MLYCD: variants seen among roughly 807,000 people sequenced by gnomAD.
MLYCD encodes the protein malonyl-CoA decarboxylase, mitochondrial.
MLYCD carries 27 observed loss-of-function variants against 35.8 expected under a neutral mutation model. The ratio of observed to expected loss-of-function variants is 0.75; its 90% CI spans 0.56 to 1.04. The LOEUF is 1.04. MLYCD is among the 50% of genes least tolerant of loss of function. The pLI is 0.00. For missense variants in MLYCD, 917 were observed against 665.1 expected (o/e 1.38, Z -4.17); for synonymous variants, 403 against 302.4 (o/e 1.33, Z -3.45).
chr16:83,922,561 G>C lies in MLYCD; in HGVS notation c.*7072G>C, dbSNP rs987478205. The C allele has an allele frequency of 6.6e-6, 1 of 152,516 alleles. No homozygotes were observed. The highest frequency in any genetic ancestry group is 1.9e-4 in the East Asian group (1 of 5,194). The allele number at this position is 152,516 out of a possible 1,614,324, so 9.4% of individuals were successfully genotyped here. ...TGGCCCCACCACTTCCAGCTGGGTG[G>C]CCCAGGGCAAGCCACCTACCCTTGC... On this transcript the variant is annotated 3_prime_UTR_variant, in exon 5 of 5. Transcript: ENST00000262430.
intron 3 of MLYCD, among the ~76,000 whole-genome samples, 173 bp downstream of exon 3, chr16:83,908,455 G>A (rs149995258): frequency 2.3e-3 from 346 of 148,834 alleles, no homozygotes; most frequent in African/African-American, 8.1e-3. Flanking sequence ...GGTGTAGAGC[G>A]TAGAAGTGTA....
In MLYCD at chr16:83,924,144, G is replaced by A. The variant is rs1157906219; in HGVS notation, c.*8655G>A. On this transcript the variant is annotated 3_prime_UTR_variant, in exon 5 of 5. Coordinates refer to ENST00000262430, the MANE Select transcript of MLYCD (RefSeq NM_012213.3). The stretch of plus-strand genomic sequence containing the variant: ...GGAAGACAGGAGGAACCCGGACCTG[G>A]CTCTCGTGCAGGAAGCAGGCAGTGC... 6.6e-6 allele frequency: 1 copy of A among 152,374 alleles called. No individual in the cohort carries two copies. Among genetic ancestry groups the A allele is most frequent in the East Asian group, 1.9e-4 (1 of 5,180 alleles). The allele number at this position is 152,374 out of a possible 1,614,324, so 9.4% of individuals were successfully genotyped here. A position where few individuals can be genotyped will look rare whatever the true frequency, so the allele number is the denominator to read the frequency against.
chr16:83,908,936 C>T (rs778495889), intron 3 of MLYCD, among the ~76,000 whole-genome samples: 3 of 152,194 alleles, frequency 2.0e-5, no homozygotes, highest in Non-Finnish European at 4.4e-5. Flanking sequence ...CAGGTTTGCT[C>T]AGACCAAGAG....
rs1907762806 is a variant in MLYCD, at chr16:83,925,007, G to A, written c.*9518G>A. On this transcript the variant is annotated 3_prime_UTR_variant, in exon 5 of 5. Transcript: ENST00000262430. ...TCTCACCCCCATCCGTGTCTCTGCT[G>A]TCTCCTAACTACCGATAGCAAGGGC... 6.6e-6 allele frequency: 1 copy of A among 152,308 alleles called. No individual in the cohort carries two copies. Among genetic ancestry groups the A allele is most frequent in the Non-Finnish European group, 1.5e-5 (1 of 68,106 alleles). 9.4% of individuals were successfully genotyped at this position (152,308 alleles called of 1,614,324 possible). A position where few individuals can be genotyped will look rare whatever the true frequency, so the allele number is the denominator to read the frequency against.
Position 83,925,281 on chromosome 16 carries a change from T to G in MLYCD, c.*9792T>G, listed in dbSNP as rs1188502003. ...AAACCTGGCCTCCTCCAGCTGTTCCTTCCTGGCGAGGCCACCTCCAACTGT... is the reference window on the plus strand; with the variant it reads ...AAACCTGGCCTCCTCCAGCTGTTCCGTCCTGGCGAGGCCACCTCCAACTGT... On this transcript the variant is annotated 3_prime_UTR_variant, in exon 5 of 5. Transcript: ENST00000262430. 1 of 152,624 alleles carries G rather than the reference T, an allele frequency of 6.6e-6. No individual in the cohort carries two copies. Among genetic ancestry groups the G allele is most frequent in the Non-Finnish European group, 1.5e-5 (1 of 68,402 alleles). 9.5% of individuals were successfully genotyped at this position (152,624 alleles called of 1,614,324 possible). A position where few individuals can be genotyped will look rare whatever the true frequency, so the allele number is the denominator to read the frequency against.
intron 4 of MLYCD, 40 bp from the exon 5 acceptor site, chr16:83,914,916 T>A: frequency 6.2e-7 from 1 of 1,614,008 alleles, no homozygotes; most frequent in Non-Finnish European, 8.5e-7. Context: ...TGAATTTGTG[T>A]TTTCTCCGCC....
intron 4 of MLYCD, 33 bp downstream of exon 4, chr16:83,912,400 T>G: frequency 6.2e-7 from 1 of 1,613,688 alleles, no homozygotes; most frequent in Non-Finnish European, 8.5e-7. Context: ...CGGTCACGCT[T>G]GGCTTCCGTG....
chr16:83,913,916 T>A (rs980418444), intron 4 of MLYCD: 1 of 152,146 alleles, frequency 6.6e-6, no homozygotes, highest in African/African-American at 2.4e-5. Context: ...CTGCTTTTTT[T>A]ATATTACTCT....
intron 4 of MLYCD, 168 bp from the exon 5 acceptor site, chr16:83,914,788 A>T: frequency 1.9e-6 from 2 of 1,038,942 alleles, no homozygotes; most frequent in African/African-American, 1.6e-5. Flanking sequence ...CTAAGAGGAA[A>T]AAAAGAAAAG....
intron 3 of MLYCD, among the ~76,000 whole-genome samples, chr16:83,910,203 T>TA (rs1220863764): frequency 2.0e-5 from 3 of 149,270 alleles, no homozygotes; most frequent in South Asian, 2.1e-4. Flanking sequence ...TATTTTTTTT[T>TA]ATGCATGGTT....
intron 3 of MLYCD, 52 bp downstream of exon 3, chr16:83,908,334 G>A (rs1239525555): frequency 2.5e-6 from 4 of 1,569,892 alleles, no homozygotes; most frequent in Non-Finnish European, 2.6e-6. Context: ...AGAGCCCCTT[G>A]TGTTTTTTGT....
Position 83,915,195 on chromosome 16 carries a change from T to C in MLYCD, c.1188T>C (p.Thr396=). The part of the protein sequence containing the change: ...QSEKLVRALQ[T]PLMRLCAWYL... The stretch of plus-strand genomic sequence containing the variant: ...AGAAGCTGGTGCGGGCGCTGCAGAC[T>C]CCGCTGATGAGGCTGTGCGCCTGGT... The change falls in exon 5 of 5, where the codon ACT becomes ACC. Residue 396 remains threonine (T), a synonymous_variant. Transcript: ENST00000262430. The C allele has an allele frequency of 6.2e-7, 1 of 1,614,062 alleles. No homozygotes were observed. Among genetic ancestry groups the C allele is most frequent in the South Asian group, 1.1e-5 (1 of 91,082 alleles).
intron 3 of MLYCD, chr16:83,912,006 AC>A (rs1221758965): frequency 2.2e-5 from 14 of 630,230 alleles, no homozygotes; most frequent in Non-Finnish European, 2.8e-5. Context: ...AGTGCTGAGG[AC>A]CCCCAGGCAC....
chr16:83,909,750 T>A (rs972433560), intron 3 of MLYCD, among the ~76,000 whole-genome samples: 17 of 151,372 alleles, frequency 1.1e-4, no homozygotes, highest in African/African-American at 4.1e-4. Flanking sequence ...GCCTCCCGAG[T>A]AGCTGGGGAT....
chr16:83,903,705 G>A, intron 1 of MLYCD, among the ~76,000 whole-genome samples: 1 of 152,126 alleles, frequency 6.6e-6, no homozygotes, highest in East Asian at 1.9e-4. Flanking sequence ...TGCTACTTGG[G>A]AGGTTCAGCT....
Position 83,902,504 on chromosome 16 carries a change from ATTTTT to A in MLYCD, c.528+2847_528+2851del, listed in dbSNP as rs67006643. Among the ~76,000 whole-genome samples the A allele has an allele frequency of 6.4e-3, 810 of 127,554 alleles. 12 individuals carry two copies. Among genetic ancestry groups the A allele is most frequent in the African/African-American group, 0.023 (761 of 33,566 alleles). The allele number at this position is 127,554 out of a possible 152,430, so 83.7% of individuals were successfully genotyped here. A position where few individuals can be genotyped will look rare whatever the true frequency, so the allele number is the denominator to read the frequency against. On this transcript the variant is annotated intron_variant, in intron 1 of 4. Coordinates refer to ENST00000262430, the MANE Select transcript of MLYCD (RefSeq NM_012213.3). ...TGATCTGATCTATTTTTTTAATCTG[ATTTTT>A]TTTTTTTTTTTTTTGAGACAGAGTC...
At chr16:83,910,070 C>T (rs115999721) in intron 3 of MLYCD, among the ~76,000 whole-genome samples, 1,528 of 152,166 alleles carry the variant, frequency 0.01, 32 homozygotes, top group African/African-American at 0.035. Context: ...TGAGAATGTG[C>T]GTGGGTACGC....
intron 3 of MLYCD, among the ~76,000 whole-genome samples, chr16:83,910,138 T>C (rs1907123069): frequency 1.3e-5 from 2 of 151,946 alleles, no homozygotes; most frequent in Middle Eastern, 3.4e-3. Context: ...TGGAAAGGTG[T>C]TCATCAAAAG....
At chr16:83,899,796 C>T (rs1404986235) in intron 1 of MLYCD, 124 bp downstream of exon 1, 13 of 1,203,828 alleles carry the variant, frequency 1.1e-5, no homozygotes, top group Admixed American at 5.7e-5. Flanking sequence ...TCACTTCGCC[C>T]GCAGTTACCG....
Sources: gnomAD v4.1 joint callset for allele counts (sites outside exome capture counted in the v4.1 genomes callset) on GRCh38, gnomAD v4.1.1 for gene constraint, MANE v1.5 for transcripts, NCBI Gene and HGNC (gene_info 2026-07-23, HGNC 2026-07-21) for gene names.